PEAK1: variants seen among roughly 807,000 people sequenced by gnomAD.
The protein encoded by PEAK1 is inactive tyrosine-protein kinase PEAK1.
PEAK1 carries 54 observed loss-of-function variants against 124.7 expected under a neutral mutation model. The observed-to-expected ratio is 0.43, with a 90% confidence interval of 0.35 to 0.54. The LOEUF is 0.54. Among genes scored for constraint, PEAK1 ranks in the 20% least tolerant of loss-of-function variants. PEAK1 has a pLI of 0.01. For missense variants in PEAK1, 2,046 were observed against 2,134.5 expected, an observed-to-expected ratio of 0.96 and a Z score of 0.82; for synonymous variants, 719 against 760.0, an observed-to-expected ratio of 0.95 and a Z score of 0.89.
intron 6 of PEAK1, among the ~76,000 whole-genome samples, chr15:77,245,915 T>C (rs2060561348): frequency 6.6e-6 from 1 of 152,230 alleles, no homozygotes; most frequent in Non-Finnish European, 1.5e-5. Flanking sequence ...TCCCACTTTG[T>C]TTCTATTCAG....
At chr15:77,150,995 CA>C (rs1232429674) in intron 8 of PEAK1, among the ~76,000 whole-genome samples, 1 of 152,020 alleles carries the variant, frequency 6.6e-6, no homozygotes, top group Non-Finnish European at 1.5e-5. Context: ...GTCTTTATAG[CA>C]GCATGATTTA....
chr15:77,402,158 C>T (rs1222272294), intron 1 of PEAK1: 8 of 798,094 alleles, frequency 1.0e-5, no homozygotes, highest in Non-Finnish European at 1.2e-5. Context: ...AAGAGGGACA[C>T]TCCACCTCGG....
At chr15:77,392,224 A>G (rs1385992564) in intron 1 of PEAK1, among the ~76,000 whole-genome samples, 1 of 152,242 alleles carries the variant, frequency 6.6e-6, no homozygotes, top group African/African-American at 2.4e-5. Flanking sequence ...TATGGAAATA[A>G]TAGAACCACT....
intron 6 of PEAK1, among the ~76,000 whole-genome samples, chr15:77,236,195 C>A (rs1193947535): frequency 6.6e-6 from 1 of 152,188 alleles, no homozygotes; most frequent in Non-Finnish European, 1.5e-5. Flanking sequence ...AATGGTAGAT[C>A]CACTGACAGC....
chr15:77,350,270 A>G (rs2067127104), intron 2 of PEAK1: 2 of 985,300 alleles, frequency 2.0e-6, no homozygotes, highest in African/African-American at 1.7e-5. Flanking sequence ...CACTAATTTC[A>G]TATGAATTAG....
At position 77,179,140 on chromosome 15, in the gene PEAK1, T is replaced by C; in HGVS notation, c.2787A>G (p.Lys929=). ...DAKPKRWISF[K]SFFRRRKTDE... ...CTGTTTTCCGACGGCGGAAGAAGCT[T>C]TTAAATGATATCCAGCGCTTAGGTT... is the stretch of plus-strand genomic sequence containing the variant. Residue 929 remains lysine, a synonymous_variant, in exon 7 of 10, where the codon AAA becomes AAG. Coordinates refer to ENST00000682557, the MANE Select transcript of PEAK1 (RefSeq NM_001385026.1). 1 of 1,614,154 alleles carries C rather than the reference T, an allele frequency of 6.2e-7. No homozygotes were observed. Among genetic ancestry groups the C allele is most frequent in the Non-Finnish European group, 8.5e-7 (1 of 1,180,022 alleles).
At chr15:77,144,583 T>C (rs142092359) in intron 8 of PEAK1, among the ~76,000 whole-genome samples, 74 of 152,308 alleles carry the variant, frequency 4.9e-4, no homozygotes, top group African/African-American at 1.5e-3. Context: ...CAATTCAAAA[T>C]GGAAATGGAC....
intron 2 of PEAK1, among the ~76,000 whole-genome samples, chr15:77,295,869 T>C (rs2063459428): frequency 6.6e-6 from 1 of 152,220 alleles, no homozygotes; most frequent in Non-Finnish European, 1.5e-5. Flanking sequence ...TATCTGCTCA[T>C]ATAGCTTCAT....
intron 2 of PEAK1, chr15:77,352,523 C>T: frequency 2.0e-6 from 2 of 980,652 alleles, no homozygotes; most frequent in Non-Finnish European, 2.4e-6. Context: ...TTTAAAAATA[C>T]ATACATTTTA....
chr15:77,258,115 G>A (rs1192218333), intron 5 of PEAK1, among the ~76,000 whole-genome samples: 1 of 152,174 alleles, frequency 6.6e-6, no homozygotes, highest in Non-Finnish European at 1.5e-5. Context: ...GTACCATGCT[G>A]TTTTGGTTAC....
At chr15:77,312,376 A>G (rs1330817738) in intron 2 of PEAK1, among the ~76,000 whole-genome samples, 1 of 152,232 alleles carries the variant, frequency 6.6e-6, no homozygotes, top group African/African-American at 2.4e-5. Context: ...ATACTGACTG[A>G]TAAGAGTTTC....
chr15:77,264,737 A>G (rs1006557637), intron 5 of PEAK1, among the ~76,000 whole-genome samples: 4 of 152,176 alleles, frequency 2.6e-5, no homozygotes, highest in Non-Finnish European at 5.9e-5. Flanking sequence ...CTTTCTTCAC[A>G]GAATTGGAAA....
intron 6 of PEAK1, among the ~76,000 whole-genome samples, chr15:77,211,286 T>C (rs1407303220): frequency 2.0e-5 from 3 of 152,112 alleles, no homozygotes; most frequent in Admixed American, 6.6e-5. Context: ...TCTTATAAGG[T>C]GTTTCAAAAC....
rs2051230640 is a variant in PEAK1, at chr15:77,114,996, T to C, written c.4401A>G (p.Pro1467=). The change falls in exon 10 of 10, where the codon CCA becomes CCG. Residue 1467 remains proline, a synonymous_variant. Transcript: ENST00000682557. ...GCACAAAATCAGCCACAGTAAGACA[T>C]GGAACCTCCCTGGTGATGACCACAA... ...SHVVVITREV[P]CLTVADFVRD... is the part of the protein sequence containing the mutation. 5 of 1,614,122 alleles carry C rather than the reference T, an allele frequency of 3.1e-6. No individual in the cohort carries two copies. The highest frequency in any genetic ancestry group is 8.5e-7 in the Non-Finnish European group (1 of 1,180,024).
exon 7 of PEAK1, chr15:77,102,347 T>C (rs1362569075): frequency 1.3e-5 from 2 of 152,198 alleles, no homozygotes; most frequent in Admixed American, 6.5e-5. Flanking sequence ...TTCTGGGTTA[T>C]TTACTTTTCA....
intron 9 of PEAK1, 99 bp from the exon 10 acceptor site, chr15:77,115,418 G>T (rs781376082): frequency 5.3e-5 from 58 of 1,095,034 alleles, no homozygotes; most frequent in Non-Finnish European, 7.4e-5. Flanking sequence ...AGGGACAAAC[G>T]ATCATATAGT....
At chr15:77,118,662 G>A (rs1270518596) in intron 9 of PEAK1, among the ~76,000 whole-genome samples, 2 of 152,022 alleles carry the variant, frequency 1.3e-5, no homozygotes, top group South Asian at 2.1e-4. Flanking sequence ...GGCATCTCAA[G>A]AGTAGCAGGA....
chr15:77,310,161 A>G (rs750384138), intron 2 of PEAK1, among the ~76,000 whole-genome samples: 4 of 152,200 alleles, frequency 2.6e-5, no homozygotes, highest in Non-Finnish European at 5.9e-5. Context: ...CAGTAACTCT[A>G]AAGCCTCTTT....
At chr15:77,131,740 C>T (rs1308363755) in intron 9 of PEAK1, among the ~76,000 whole-genome samples, 1 of 152,148 alleles carries the variant, frequency 6.6e-6, no homozygotes, top group Non-Finnish European at 1.5e-5. Context: ...AAAGGAGTTA[C>T]AGAGCAGAGG....
Sources: allele counts gnomAD v4.1 joint callset (sites outside exome capture counted in the v4.1 genomes callset), GRCh38; gene constraint gnomAD v4.1.1; transcripts MANE v1.5; gene names NCBI Gene and HGNC (gene_info 2026-07-23, HGNC 2026-07-21).